PTPRM: variants seen among roughly 807,000 people sequenced by gnomAD.
PTPRM encodes the protein receptor-type tyrosine-protein phosphatase mu.
In PTPRM, 47 loss-of-function variants were observed where a neutral mutation model predicts 186.7. The ratio of observed to expected loss-of-function variants is 0.25; its 90% CI spans 0.20 to 0.32. The LOEUF is 0.32. Among genes scored for constraint, PTPRM ranks in the 10% least tolerant of loss-of-function variants. PTPRM has a pLI of 1.00. For missense variants in PTPRM, 1,494 were observed against 1,865.0 expected (o/e 0.80, Z 3.66); for synonymous variants, 668 against 674.9 (o/e 0.99, Z 0.16).
At chr18:8,050,498 A>T (rs2087407887) in intron 7 of PTPRM, among the ~76,000 whole-genome samples, 1 of 152,074 alleles carries the variant, frequency 6.6e-6, no homozygotes, top group African/African-American at 2.4e-5. Flanking sequence ...CCTGAAAAAA[A>T]AAAACCCTCC....
intron 13 of PTPRM, among the ~76,000 whole-genome samples, chr18:8,124,528 C>T (rs1156904050): frequency 2.6e-5 from 4 of 152,096 alleles, no homozygotes; most frequent in Admixed American, 1.3e-4. Flanking sequence ...GCCTAGACAC[C>T]TTGGCATCAA....
chr18:8,235,435 AAT>A (rs1366535774), intron 14 of PTPRM, among the ~76,000 whole-genome samples: 1 of 144,070 alleles, frequency 6.9e-6, no homozygotes, highest in Non-Finnish European at 1.5e-5. Context: ...TTTCATTTCT[AAT>A]ATGAGTAATC....
chr18:8,344,407 C>T (rs2095492309), intron 23 of PTPRM, among the ~76,000 whole-genome samples: 1 of 141,728 alleles, frequency 7.1e-6, no homozygotes, highest in Non-Finnish European at 1.5e-5. Context: ...TACATACACA[C>T]AATATAAGTA....
rs573686046 is a variant in PTPRM, at chr18:7,886,235, T to A, written c.197-1871T>A. On this transcript the variant is annotated intron_variant, in intron 2 of 32. Coordinates refer to ENST00000580170, the MANE Select transcript of PTPRM (RefSeq NM_001105244.2). ...GCAGGAAAACACAATCTGTAACTCA[T>A]ACACAGGAACGTCCTACTCTGGATT... 2.0e-5 allele frequency among the ~76,000 whole-genome samples: 3 copies of A among 152,304 alleles called. No homozygotes were observed. In the South Asian group the frequency reaches 6.2e-4, roughly 32 times the overall value.
At position 8,394,644 on chromosome 18, in the gene PTPRM, C is replaced by T. The variant is rs374944459; in HGVS notation, c.4344+33C>T. Reference sequence around the variant, plus strand: ...ACCCCCTCTGAGCTGTTCCATGAGACACCCCATTAGCATTAGAATCCACTC... The same window carrying T: ...ACCCCCTCTGAGCTGTTCCATGAGATACCCCATTAGCATTAGAATCCACTC... On this transcript the variant is annotated intron_variant, in intron 32 of 32. Transcript: ENST00000580170. 9 of 1,566,066 alleles carry T rather than the reference C, an allele frequency of 5.7e-6. No individual in the cohort carries two copies. In the African/African-American group the frequency reaches 8.2e-5, roughly 14 times the overall value.
Position 7,900,961 on chromosome 18 carries a change from A to G in PTPRM, c.469-5544A>G, listed in dbSNP as rs1291684652. Among the ~76,000 whole-genome samples, 4 of 152,256 alleles carry G rather than the reference A, an allele frequency of 2.6e-5. No individual in the cohort carries two copies. The East Asian group carries it at 7.7e-4, about 29-fold the overall frequency. On this transcript the variant is annotated intron_variant, in intron 3 of 32. Coordinates refer to ENST00000580170, the MANE Select transcript of PTPRM (RefSeq NM_001105244.2). ...AATATATTTTGTTCCGTTTCATAAA[A>G]ATGAACATGGCACATCCCCAGATCA...
intron 1 of PTPRM, among the ~76,000 whole-genome samples, chr18:7,758,217 C>T (rs1304127931): frequency 1.3e-5 from 2 of 152,100 alleles, no homozygotes; most frequent in African/African-American, 2.4e-5. Context: ...ACGCATTTGT[C>T]CTAGGGAGGA....
At chr18:7,801,677 G>A (rs187823705) in intron 2 of PTPRM, among the ~76,000 whole-genome samples, 56 of 152,276 alleles carry the variant, frequency 3.7e-4, no homozygotes, top group African/African-American at 1.1e-3. Flanking sequence ...ATGACTCGCA[G>A]CACGGAAGGC....
chr18:7,738,305 G>C (rs1034772730), intron 1 of PTPRM, among the ~76,000 whole-genome samples: 28 of 152,230 alleles, frequency 1.8e-4, no homozygotes, highest in Admixed American at 2.0e-4. Context: ...AGCATTTTCT[G>C]CATTCTGCTG....
At chr18:7,957,389 G>T (rs2053386407) in intron 7 of PTPRM, among the ~76,000 whole-genome samples, 1 of 152,146 alleles carries the variant, frequency 6.6e-6, no homozygotes, top group Non-Finnish European at 1.5e-5. Context: ...TTTAAGAAAT[G>T]AAAACCAATT....
Position 8,267,759 on chromosome 18 carries a change from T to C in PTPRM, c.2754+14345T>C, listed in dbSNP as rs180795717. 2.2e-3 allele frequency among the ~76,000 whole-genome samples: 340 copies of C among 152,288 alleles called. 3 individuals are homozygous for C. The highest frequency in any genetic ancestry group is 7.9e-3 in the African/African-American group (327 of 41,588). On this transcript the variant is annotated intron_variant, in intron 19 of 32. Transcript: ENST00000580170. Reference sequence around the variant, plus strand: ...CATAAGCTCACATTCGCATCAGCACTCTGTAAGAATGGTTACTTCAGTTCC... The same window carrying C: ...CATAAGCTCACATTCGCATCAGCACCCTGTAAGAATGGTTACTTCAGTTCC...
intron 1 of PTPRM, among the ~76,000 whole-genome samples, chr18:7,714,429 T>C (rs1349568188): frequency 1.3e-5 from 2 of 152,082 alleles, no homozygotes; most frequent in Non-Finnish European, 2.9e-5. Flanking sequence ...AGATCTAAAA[T>C]TGGCATCCTA....
chr18:8,384,092 C>T (rs2095756210), intron 29 of PTPRM, among the ~76,000 whole-genome samples: 1 of 152,086 alleles, frequency 6.6e-6, no homozygotes, highest in Non-Finnish European at 1.5e-5. Context: ...CAAGGAAGTC[C>T]AAAAGCCTAC....
At chr18:7,889,547 C>A (rs946178264) in intron 3 of PTPRM, among the ~76,000 whole-genome samples, 11 of 151,936 alleles carry the variant, frequency 7.2e-5, no homozygotes, top group Non-Finnish European at 7.4e-5. Flanking sequence ...CTATGTTGCC[C>A]AGGCTGGTCT....
chr18:8,351,922 A>G (rs1202496940), intron 23 of PTPRM, among the ~76,000 whole-genome samples: 1 of 152,172 alleles, frequency 6.6e-6, no homozygotes, highest in African/African-American at 2.4e-5. Context: ...TGCCCTGGTG[A>G]ACCTGGAGGT....
intron 30 of PTPRM, among the ~76,000 whole-genome samples, chr18:8,386,067 G>A (rs554557412): frequency 5.3e-5 from 8 of 152,252 alleles, no homozygotes; most frequent in South Asian, 2.1e-4. Context: ...CAGGCTGCCC[G>A]TGTAACCGGA....
intron 14 of PTPRM, among the ~76,000 whole-genome samples, chr18:8,179,651 G>A (rs1276126950): frequency 6.6e-6 from 1 of 151,830 alleles, no homozygotes; most frequent in East Asian, 1.9e-4. Flanking sequence ...TGTAATTTTA[G>A]TAGAGAACGG....
chr18:8,055,778 T>C (rs1287150673), intron 7 of PTPRM, among the ~76,000 whole-genome samples: 4 of 152,232 alleles, frequency 2.6e-5, no homozygotes, highest in African/African-American at 9.6e-5. Context: ...AGATTTGTAT[T>C]TGTGTTTGCT....
intron 2 of PTPRM, among the ~76,000 whole-genome samples, chr18:7,850,724 T>G (rs1262048959): frequency 2.0e-5 from 3 of 152,236 alleles, no homozygotes; most frequent in Admixed American, 6.5e-5. Context: ...GTTCCCAGCC[T>G]GTGCCTCTGC....
Sources: gnomAD v4.1 joint callset for allele counts (sites outside exome capture counted in the v4.1 genomes callset) on GRCh38, gnomAD v4.1.1 for gene constraint, MANE v1.5 for transcripts, NCBI Gene and HGNC (gene_info 2026-07-23, HGNC 2026-07-21) for gene names.